The following KDM2B variants were observed in gnomAD, a reference collection of about 807,000 sequenced individuals.
The protein encoded by KDM2B is lysine demethylase 2B.
In KDM2B, 26 loss-of-function variants were observed where a neutral mutation model predicts 150.0. That is an observed-to-expected ratio of 0.17 (90% CI 0.13 to 0.24). KDM2B has a LOEUF of 0.24. Among genes scored for constraint, KDM2B ranks in the 10% least tolerant of loss-of-function variants. The pLI, the probability that KDM2B is intolerant of heterozygous loss-of-function variation, is 1.00. For synonymous variants in KDM2B, 734 were observed against 729.5 expected, an observed-to-expected ratio of 1.01 and a Z score of -0.10; for missense variants, 1,265 against 1,816.9, an observed-to-expected ratio of 0.70 and a Z score of 5.52.
chr12:121,482,523 A>G (rs1348492383), intron 12 of KDM2B, among the ~76,000 whole-genome samples: 5 of 151,632 alleles, frequency 3.3e-5, no homozygotes, highest in Non-Finnish European at 7.4e-5. Flanking sequence ...GATGGTCTCA[A>G]TCTCCGGACC....
chr12:121,421,697 A>AAT, the KDM2B span, among the ~76,000 whole-genome samples: 1 of 152,180 alleles, frequency 6.6e-6, no homozygotes, highest in African/African-American at 2.4e-5. Flanking sequence ...TTGTAAAAAA[A>AAT]ATATATATGT....
In KDM2B at chr12:121,467,309, C is replaced by A; in HGVS notation, c.1735-13965G>T. The A allele has an allele frequency of 4.1e-6, 4 of 982,604 alleles. No homozygotes were observed. The highest frequency in any genetic ancestry group is 4.8e-6 in the Non-Finnish European group (4 of 828,940). The allele number at this position is 982,604 out of a possible 1,614,324, so 60.9% of individuals were successfully genotyped here. A position where few individuals can be genotyped will look rare whatever the true frequency, so the allele number is the denominator to read the frequency against. ...CAGGCTCGGCTCGCCCTGGCTCGGG[C>A]TCGGGCTCGGGCTCGGGCTCCCGCT... On this transcript the variant is annotated intron_variant, in intron 12 of 22. Transcript: ENST00000377071. The surrounding 1 kb of genome is among the most constrained non-coding windows in gnomAD (Gnocchi z 5.1).
intron 6 of KDM2B, 79 bp from the exon 7 acceptor site, chr12:121,534,669 T>A (rs540454897): frequency 2.0e-6 from 2 of 998,250 alleles, no homozygotes; most frequent in African/African-American, 1.6e-5. Flanking sequence ...TCAGAGGTCC[T>A]GAACTGGTGC....
chr12:121,508,452 T>C (rs2140848366), intron 11 of KDM2B, among the ~76,000 whole-genome samples: 1 of 152,202 alleles, frequency 6.6e-6, no homozygotes, highest in South Asian at 2.1e-4. Flanking sequence ...GTAAATACAA[T>C]GAACAAATGA....
intron 9 of KDM2B, among the ~76,000 whole-genome samples, chr12:121,517,504 T>C (rs1312550847): frequency 6.6e-6 from 1 of 151,544 alleles, no homozygotes; most frequent in Admixed American, 6.6e-5. Flanking sequence ...AGTCTCGCTC[T>C]GTCGCCCAGG....
chr12:121,539,119 G>T (rs1448026432), intron 6 of KDM2B, among the ~76,000 whole-genome samples: 5 of 151,872 alleles, frequency 3.3e-5, no homozygotes, highest in African/African-American at 1.2e-4. Flanking sequence ...TAATTAACAG[G>T]TTCTAATTAC....
chr12:121,479,672 A>G (rs1474448988), intron 12 of KDM2B, among the ~76,000 whole-genome samples: 1 of 151,498 alleles, frequency 6.6e-6, no homozygotes, highest in African/African-American at 2.4e-5. Context: ...CCCAGGCTGG[A>G]GTGCAATGGC....
chr12:121,578,452 A>G (rs1159887769), intron 2 of KDM2B, among the ~76,000 whole-genome samples: 1 of 152,162 alleles, frequency 6.6e-6, no homozygotes, highest in Non-Finnish European at 1.5e-5. Context: ...CACCTCAGGC[A>G]GCGCAGGGAG....
chr12:121,539,351 A>G (rs954794919), intron 6 of KDM2B, among the ~76,000 whole-genome samples: 2 of 151,096 alleles, frequency 1.3e-5, no homozygotes, highest in African/African-American at 2.4e-5. Context: ...AAAAAAAAAA[A>G]AAAAGAAAGA....
At chr12:121,494,946 T>C (rs1440104637) in intron 11 of KDM2B, among the ~76,000 whole-genome samples, 2 of 152,096 alleles carry the variant, frequency 1.3e-5, no homozygotes, top group African/African-American at 2.4e-5. Flanking sequence ...ATGATCACAG[T>C]TATGACATCT....
At chr12:121,581,206 G>T, upstream of KDM2B, 1 of 312,556 alleles carries the variant, frequency 3.2e-6, no homozygotes, top group Non-Finnish European at 5.9e-6. Flanking sequence ...GCTCAGGAGC[G>T]AAAGACGCAG....
intron 8 of KDM2B, among the ~76,000 whole-genome samples, chr12:121,529,697 A>AG (rs1425761989): frequency 2.0e-5 from 3 of 151,984 alleles, no homozygotes; most frequent in African/African-American, 7.3e-5. Context: ...TGGGAGGCCG[A>AG]GGCGGGTGGA....
chr12:121,547,712 C>G (rs1045527556), intron 6 of KDM2B, among the ~76,000 whole-genome samples: 20 of 140,036 alleles, frequency 1.4e-4, no homozygotes, highest in African/African-American at 5.3e-4. Context: ...TGCAGTGGCT[C>G]AATCACTGCA....
At chr12:121,529,293 G>A (rs1555307431) in intron 8 of KDM2B, among the ~76,000 whole-genome samples, 1 of 152,152 alleles carries the variant, frequency 6.6e-6, no homozygotes, top group Non-Finnish European at 1.5e-5. Context: ...CCTTTATGAT[G>A]AAAGTCTTCC....
At chr12:121,423,825 T>C in the KDM2B span, 7 of 438,920 alleles carry the variant, frequency 1.6e-5, no homozygotes, top group Admixed American at 4.0e-5. The surrounding 1 kb of genome is among the most constrained non-coding windows in gnomAD (Gnocchi z 4.3). Context: ...TGAACACTCA[T>C]TGAAGTCAGC....
chr12:121,440,752 A>C, intron 21 of KDM2B, 64 bp downstream of exon 21: 1 of 1,449,188 alleles, frequency 6.9e-7, no homozygotes, highest in Non-Finnish European at 9.4e-7. Flanking sequence ...TGAGGGTAAA[A>C]GCAGATCCAA....
chr12:121,451,493 G>A (rs1358503062), intron 13 of KDM2B, among the ~76,000 whole-genome samples: 1 of 152,120 alleles, frequency 6.6e-6, no homozygotes, highest in Non-Finnish European at 1.5e-5. Flanking sequence ...AGGGTCAATT[G>A]TATATCCAGA....
intron 21 of KDM2B, chr12:121,440,386 C>T (rs991545336): frequency 1.3e-5 from 6 of 450,554 alleles, no homozygotes; most frequent in African/African-American, 7.9e-5. Flanking sequence ...GCGAGAAGCA[C>T]GGACCTAGGC....
chr12:121,418,167 C>T, the KDM2B span: 21 of 474,314 alleles, frequency 4.4e-5, 1 homozygote, highest in South Asian at 5.7e-4. Flanking sequence ...GTTAATTTCT[C>T]TGTCTTACAC....
Sources: allele counts gnomAD v4.1 joint callset (sites outside exome capture counted in the v4.1 genomes callset), GRCh38; gene constraint gnomAD v4.1.1; non-coding constraint Gnocchi (gnomAD v3.1); transcripts MANE v1.5; gene names NCBI Gene and HGNC (gene_info 2026-07-23, HGNC 2026-07-21).